Variants in TCF7L2 observed in about 807,000 individuals in gnomAD.
TCF7L2 encodes transcription factor 7 like 2, also known as transcription factor 7-like 2.
TCF7L2 carries 23 observed loss-of-function variants against 77.9 expected under a neutral mutation model. That is an observed-to-expected ratio of 0.30 (90% CI 0.21 to 0.42). The LOEUF is 0.42. Ranked by LOEUF, TCF7L2 falls within the 10% of genes least tolerant of loss-of-function variation. TCF7L2 has a pLI of 1.00. For synonymous variants in TCF7L2, 413 were observed against 340.2 expected (o/e 1.21, Z -2.36); for missense variants, 654 against 793.1 (o/e 0.82, Z 2.11).
rs536661361 is a variant in TCF7L2 at position 113,151,654 on chromosome 10, C to G, written c.1002-71C>G. 73 of 1,507,990 alleles carry G rather than the reference C, an allele frequency of 4.8e-5. No individual in the cohort carries two copies. Among genetic ancestry groups the G allele is most frequent in the Non-Finnish European group, 1.1e-5 (12 of 1,133,568 alleles). The allele number at this position is 1,507,990 out of a possible 1,614,324, so 93.4% of individuals were successfully genotyped here. ...TTGGGGGTTATGAGACAAGGAGATACGTTCCCTGCCATGGAGGAAGTTGGA... is the reference window on the plus strand; with the variant it reads ...TTGGGGGTTATGAGACAAGGAGATAGGTTCCCTGCCATGGAGGAAGTTGGA... On this transcript the variant is annotated intron_variant, in intron 9 of 13. Transcript: ENST00000627217. The surrounding 1 kb of genome is among the most constrained non-coding windows in gnomAD (Gnocchi z 5.2).
In TCF7L2 at chr10:113,165,743, C is replaced by T. The variant is rs777213297; in HGVS notation, c.1580C>T (p.Ala527Val). The T allele has an allele frequency of 5.0e-6, 8 of 1,612,662 alleles. No individual in the cohort carries two copies. The highest frequency in any genetic ancestry group is 4.4e-5 in the South Asian group (4 of 90,882). The change falls in exon 14 of 14, where the codon GCC becomes GTC. Residue 527 changes from alanine (A) to valine (V), a missense_variant. Coordinates refer to ENST00000627217, the MANE Select transcript of TCF7L2 (RefSeq NM_001146274.2). ...CTGTCCCTGAAGCCCGACCCCCTGG[C>T]CCACCTGTCCATGATGCCTCCGCCA...
intron 5 of TCF7L2, among the ~76,000 whole-genome samples, chr10:113,086,011 G>T (rs2059801145): frequency 6.6e-6 from 1 of 152,226 alleles, no homozygotes; most frequent in Non-Finnish European, 1.5e-5. Context: ...TCCAGCAGGT[G>T]GGTGGTGGCT....
At chr10:113,054,680 G>A (rs1010589888) in intron 5 of TCF7L2, among the ~76,000 whole-genome samples, 7 of 152,090 alleles carry the variant, frequency 4.6e-5, no homozygotes, top group African/African-American at 1.4e-4. Context: ...CCTAGCCCAT[G>A]ATCTTCCCTC....
chr10:113,032,983 G>A (rs2050503889), intron 4 of TCF7L2, among the ~76,000 whole-genome samples: 1 of 152,062 alleles, frequency 6.6e-6, no homozygotes, highest in African/African-American at 2.4e-5. Context: ...CTATTAAATT[G>A]TTCACACAGA....
At chr10:112,971,700 CTTCCCGGG>C (rs2038287608) in intron 4 of TCF7L2, among the ~76,000 whole-genome samples, 1 of 151,810 alleles carries the variant, frequency 6.6e-6, no homozygotes, top group African/African-American at 2.4e-5. Flanking sequence ...GCAACCTCCG[CTTCCCGGG>C]TTCAAGCAAT....
chr10:113,036,692 T>TTTCTTTC (rs1450399099), intron 4 of TCF7L2, among the ~76,000 whole-genome samples: 6 of 114,520 alleles, frequency 5.2e-5, no homozygotes, highest in South Asian at 5.8e-4. Flanking sequence ...TTCTTTCTTT[T>TTTCTTTC]TTTTTAATGA....
chr10:113,011,896 A>G (rs898982347), intron 4 of TCF7L2, among the ~76,000 whole-genome samples: 5 of 151,656 alleles, frequency 3.3e-5, no homozygotes, highest in African/African-American at 1.2e-4. Context: ...GTTGAGCATT[A>G]CTACCTTGAG....
chr10:113,001,962 G>A (rs755842508), intron 4 of TCF7L2, among the ~76,000 whole-genome samples: 24 of 152,196 alleles, frequency 1.6e-4, no homozygotes, highest in Non-Finnish European at 2.9e-4. Context: ...GAGGCTACGA[G>A]ACGTGAGGCA....
chr10:113,071,849 C>A (rs1433735511), intron 5 of TCF7L2, among the ~76,000 whole-genome samples: 1 of 152,150 alleles, frequency 6.6e-6, no homozygotes, highest in South Asian at 2.1e-4. Flanking sequence ...AGGACTCCCC[C>A]CCACCCCCCA....
At chr10:113,031,544 G>C (rs564141092) in intron 4 of TCF7L2, among the ~76,000 whole-genome samples, 1 of 148,332 alleles carries the variant, frequency 6.7e-6, no homozygotes, top group East Asian at 2.0e-4. Flanking sequence ...CTGGAGTGCA[G>C]TTGCACAATC....
rs144795852 is a variant in TCF7L2 at position 113,165,401 on chromosome 10, G to C, written c.1392-154G>C. On this transcript the variant is annotated intron_variant, in intron 13 of 13. Transcript: ENST00000627217. ...ACTGTGAAGTAAGCGACCCACCCTG[G>C]GGGGGCGCCACTGTAATTGTCCTCG... Among the ~76,000 whole-genome samples the C allele has an allele frequency of 3.5e-3, 529 of 152,158 alleles. 1 individual carries two copies. Among genetic ancestry groups the C allele is most frequent in the African/African-American group, 0.011 (461 of 41,502 alleles).
intron 5 of TCF7L2, among the ~76,000 whole-genome samples, chr10:113,065,498 C>T (rs1045612873): frequency 1.3e-5 from 2 of 152,154 alleles, no homozygotes; most frequent in African/African-American, 2.4e-5. Flanking sequence ...TTATGTGGCC[C>T]CGGCTGTCTG....
Position 113,040,063 on chromosome 10 carries a change from A to G in TCF7L2, c.489A>G (p.Ala163=), listed in dbSNP as rs1158202589. ...AATGGCCACTGCTTGATGTCCAGGC[A>G]GGGAGCCTCCAGAGTAGACAAGCCC... The change falls in exon 5 of 14, where the codon GCA becomes GCG. Residue 163 remains alanine (A), a synonymous_variant. Coordinates refer to ENST00000627217, the MANE Select transcript of TCF7L2 (RefSeq NM_001146274.2). 1.2e-6 allele frequency: 2 copies of G among 1,613,942 alleles called. No individual in the cohort carries two copies. Among genetic ancestry groups the G allele is most frequent in the African/African-American group, 2.7e-5 (2 of 74,910 alleles).
At chr10:113,054,913 TTG>T (rs1205607910) in intron 5 of TCF7L2, among the ~76,000 whole-genome samples, 2 of 152,172 alleles carry the variant, frequency 1.3e-5, no homozygotes, top group Admixed American at 1.3e-4. Flanking sequence ...AACATTACAT[TTG>T]AATTTTTTCA....
At chr10:113,108,655 G>T (rs937511119) in intron 5 of TCF7L2, among the ~76,000 whole-genome samples, 1 of 152,184 alleles carries the variant, frequency 6.6e-6, no homozygotes, top group Non-Finnish European at 1.5e-5. Context: ...GCACCGCGGG[G>T]CGCCCCCTGC....
At chr10:113,076,275 C>CTATA (rs2058690454) in intron 5 of TCF7L2, among the ~76,000 whole-genome samples, 1 of 152,072 alleles carries the variant, frequency 6.6e-6, no homozygotes, top group African/African-American at 2.4e-5. Context: ...GCAGCTGGGA[C>CTATA]TATAGGTGTG....
chr10:113,140,953 C>A (rs1376205707), intron 5 of TCF7L2, among the ~76,000 whole-genome samples: 1 of 152,130 alleles, frequency 6.6e-6, no homozygotes, highest in African/African-American at 2.4e-5. Context: ...ATTTTAAAAG[C>A]CAGGCTTAGT....
chr10:112,955,172 A>G (rs2033199184), intron 3 of TCF7L2, among the ~76,000 whole-genome samples: 1 of 148,408 alleles, frequency 6.7e-6, no homozygotes, highest in African/African-American at 2.5e-5. Context: ...ATAACAATGT[A>G]ATATTACTGT....
chr10:113,019,881 T>G (rs2048003413), intron 4 of TCF7L2, among the ~76,000 whole-genome samples: 1 of 152,106 alleles, frequency 6.6e-6, no homozygotes, highest in African/African-American at 2.4e-5. Context: ...GTTTGACAGT[T>G]TAAGTGCAGT....
Sources: gnomAD v4.1 joint callset for allele counts (sites outside exome capture counted in the v4.1 genomes callset) on GRCh38, gnomAD v4.1.1 for gene constraint, Gnocchi (gnomAD v3.1) non-coding constraint, MANE v1.5 for transcripts, NCBI Gene and HGNC (gene_info 2026-07-23, HGNC 2026-07-21) for gene names.